Variants in UNC5C observed in about 807,000 individuals in gnomAD.
The protein encoded by UNC5C is netrin receptor UNC5C.
Under a neutral mutation model 99.8 loss-of-function variants are expected in UNC5C, and 47 were observed. That is an observed-to-expected ratio of 0.47 (90% CI 0.37 to 0.60). The LOEUF (loss-of-function observed/expected upper bound fraction) is 0.60. Among genes scored for constraint, UNC5C ranks in the 20% least tolerant of loss-of-function variants. UNC5C has a pLI of 0.00. For missense variants in UNC5C, 1,062 were observed against 1,165.9 expected (o/e 0.91, Z 1.30); for synonymous variants, 487 against 452.2 (o/e 1.08, Z -0.98).
intron 14 of UNC5C, among the ~76,000 whole-genome samples, chr4:95,173,954 C>G (rs1157816056): frequency 1.3e-5 from 2 of 151,896 alleles, no homozygotes; most frequent in African/African-American, 4.8e-5. Flanking sequence ...TCAACTTCTT[C>G]CTGGTTTAGT....
intron 1 of UNC5C, among the ~76,000 whole-genome samples, chr4:95,421,327 G>A (rs576095505): frequency 5.3e-5 from 8 of 152,212 alleles, no homozygotes; most frequent in African/African-American, 1.9e-4. Context: ...GAACAGGGGA[G>A]ACCCCAATAA....
intron 11 of UNC5C, among the ~76,000 whole-genome samples, chr4:95,205,782 C>T (rs1737854460): frequency 6.6e-6 from 1 of 152,022 alleles, no homozygotes; most frequent in African/African-American, 2.4e-5. Context: ...TTGTTTAAAG[C>T]ATTGTCCTTA....
In UNC5C at chr4:95,426,402, C is replaced by T. The variant is rs192687479; in HGVS notation, c.125-90771G>A. ...GGCCTTCCTATTCCCTAAGACACAACAATTTTGAAATTAAGCCAATTAATA... is the reference window on the plus strand; with the variant it reads ...GGCCTTCCTATTCCCTAAGACACAATAATTTTGAAATTAAGCCAATTAATA... On this transcript the variant is annotated intron_variant, in intron 1 of 15. Coordinates refer to ENST00000453304, the MANE Select transcript of UNC5C (RefSeq NM_003728.4). Among the ~76,000 whole-genome samples the T allele has an allele frequency of 2.9e-3, 449 of 152,266 alleles. 2 individuals carry two copies. Among genetic ancestry groups the T allele is most frequent in the African/African-American group, 0.01 (419 of 41,548 alleles).
chr4:95,492,075 T>C (rs1721510228), intron 1 of UNC5C, among the ~76,000 whole-genome samples: 1 of 151,486 alleles, frequency 6.6e-6, no homozygotes, highest in Non-Finnish European at 1.5e-5. Context: ...TGTGTGTAGT[T>C]GTGAGGAAAA....
chr4:95,182,841 C>G (rs1736668250), intron 14 of UNC5C, 56 bp downstream of exon 14: 1 of 1,558,092 alleles, frequency 6.4e-7, no homozygotes, highest in Non-Finnish European at 8.7e-7. Flanking sequence ...CCCACACACT[C>G]TGTCTTCCTG....
intron 1 of UNC5C, among the ~76,000 whole-genome samples, chr4:95,350,351 G>T (rs1424616016): frequency 6.6e-6 from 1 of 152,078 alleles, no homozygotes; most frequent in Non-Finnish European, 1.5e-5. Context: ...GCTGGGCATG[G>T]TGGCACATGC....
chr4:95,348,175 A>G (rs1207924545), intron 1 of UNC5C, among the ~76,000 whole-genome samples: 1 of 152,128 alleles, frequency 6.6e-6, no homozygotes, highest in Admixed American at 6.6e-5. Context: ...ATCATTGATC[A>G]TTATAGAAAT....
At chr4:95,197,089 TATA>T (rs1430375846) in intron 12 of UNC5C, among the ~76,000 whole-genome samples, 4 of 122,084 alleles carry the variant, frequency 3.3e-5, no homozygotes, top group East Asian at 2.1e-4. Flanking sequence ...TTATGTAATA[TATA>T]ATATTTATAT....
chr4:95,170,161 G>A lies in UNC5C; in HGVS notation c.2623C>T (p.Leu875=). ...DWRMLAHKLN[L]DRYLNYFATK... ...GGGCCAGACCATACCCACCTGTCCA[G>A]GTTCAGCTTATGGGCCAGCATCCTC... Residue 875 remains leucine, a synonymous_variant, in exon 15 of 16, where the codon CTG becomes TTG. Coordinates refer to ENST00000453304, the MANE Select transcript of UNC5C (RefSeq NM_003728.4). The A allele has an allele frequency of 6.2e-7, 1 of 1,614,072 alleles. No homozygotes were observed. Among genetic ancestry groups the A allele is most frequent in the Non-Finnish European group, 8.5e-7 (1 of 1,179,976 alleles).
At chr4:95,520,532 T>C (rs1242951397) in intron 1 of UNC5C, among the ~76,000 whole-genome samples, 1 of 151,998 alleles carries the variant, frequency 6.6e-6, no homozygotes, top group Non-Finnish European at 1.5e-5. Context: ...ACAAAGAAGC[T>C]GCAATTTCTT....
chr4:95,372,478 A>C (rs6846883), intron 1 of UNC5C, among the ~76,000 whole-genome samples: 40,681 of 151,866 alleles, frequency 0.27, 6,353 homozygotes, highest in African/African-American at 0.42. Context: ...GCGATTTCCA[A>C]ACGGGAAAGG....
At chr4:95,294,607 C>T (rs1263166523) in intron 3 of UNC5C, among the ~76,000 whole-genome samples, 1 of 152,064 alleles carries the variant, frequency 6.6e-6, no homozygotes, top group Non-Finnish European at 1.5e-5. Flanking sequence ...CAGGCATGGG[C>T]AGAAGGGGTT....
chr4:95,222,286 G>T, intron 7 of UNC5C: 2 of 1,392,924 alleles, frequency 1.4e-6, no homozygotes, highest in Non-Finnish European at 9.4e-7. Context: ...AAAAAAAAAT[G>T]AAACAAAAAT....
chr4:95,376,948 G>T (rs998150733), intron 1 of UNC5C, among the ~76,000 whole-genome samples: 1 of 152,118 alleles, frequency 6.6e-6, no homozygotes. Flanking sequence ...CTGCCTTTTT[G>T]CTGTTGTTTT....
chr4:95,196,348 C>T (rs890801935), intron 12 of UNC5C, among the ~76,000 whole-genome samples: 7 of 152,166 alleles, frequency 4.6e-5, no homozygotes, highest in African/African-American at 1.4e-4. Context: ...TGATTCCAAA[C>T]TATTCTCACA....
At chr4:95,422,820 T>C (rs1048212437) in intron 1 of UNC5C, among the ~76,000 whole-genome samples, 2 of 152,172 alleles carry the variant, frequency 1.3e-5, no homozygotes, top group African/African-American at 4.8e-5. Flanking sequence ...TATATGCGTA[T>C]TTGCACACAC....
At chr4:95,429,623 C>T (rs561888906) in intron 1 of UNC5C, among the ~76,000 whole-genome samples, 13 of 152,056 alleles carry the variant, frequency 8.5e-5, no homozygotes, top group South Asian at 6.2e-4. Context: ...TATACTGACA[C>T]GAATCAGATC....
intron 1 of UNC5C, among the ~76,000 whole-genome samples, chr4:95,460,205 T>A (rs1433505288): frequency 2.0e-5 from 3 of 151,610 alleles, no homozygotes; most frequent in Non-Finnish European, 1.5e-5. Context: ...GTGTTTTTTT[T>A]TTTTTTGGTG....
chr4:95,476,133 C>T (rs1748137880), intron 1 of UNC5C, among the ~76,000 whole-genome samples: 2 of 152,234 alleles, frequency 1.3e-5, no homozygotes, highest in East Asian at 3.9e-4. Context: ...TTTGATCTAA[C>T]TCCATTTCTT....
Sources: gnomAD v4.1 joint callset for allele counts (sites outside exome capture counted in the v4.1 genomes callset) on GRCh38, gnomAD v4.1.1 for gene constraint, MANE v1.5 for transcripts, NCBI Gene and HGNC (gene_info 2026-07-23, HGNC 2026-07-21) for gene names.